Variants in RBFOX1 observed in about 807,000 individuals in gnomAD.
RBFOX1 encodes the protein RNA binding protein fox-1 homolog 1.
In RBFOX1, 8 loss-of-function variants were observed where a neutral mutation model predicts 57.7. The ratio of observed to expected loss-of-function variants is 0.14; its 90% CI spans 0.08 to 0.25. The LOEUF is 0.25. Ranked by LOEUF, RBFOX1 falls within the 10% of genes least tolerant of loss-of-function variation. The probability of loss-of-function intolerance (pLI) is 1.00; values close to 1 mark genes in which losing one functional copy is unlikely to be tolerated. For synonymous variants in RBFOX1, 326 were observed against 222.4 expected, an observed-to-expected ratio of 1.47 and a Z score of -4.15; for missense variants, 611 against 548.5, an observed-to-expected ratio of 1.11 and a Z score of -1.14.
intron 2 of RBFOX1, among the ~76,000 whole-genome samples, chr16:6,616,545 G>A (rs1312772011): frequency 1.3e-5 from 2 of 152,120 alleles, no homozygotes; most frequent in South Asian, 2.1e-4. Flanking sequence ...GCATGGTGGC[G>A]GGCGTCTGTA....
intron 3 of RBFOX1, among the ~76,000 whole-genome samples, chr16:6,832,192 T>A (rs1306372509): frequency 6.6e-6 from 1 of 152,166 alleles, no homozygotes; most frequent in Non-Finnish European, 1.5e-5. Flanking sequence ...ACACTGTATT[T>A]GTATGTGAGG....
At chr16:6,780,749 G>A (rs1353189470) in intron 3 of RBFOX1, among the ~76,000 whole-genome samples, 2 of 151,192 alleles carry the variant, frequency 1.3e-5, no homozygotes, top group East Asian at 1.9e-4. Flanking sequence ...GATTAGTGAC[G>A]TTGAGCATTT....
intron 4 of RBFOX1, among the ~76,000 whole-genome samples, chr16:7,372,773 GAGAAAGGGAGGGAGGA>G (rs2097592270): frequency 6.6e-6 from 1 of 151,970 alleles, no homozygotes; most frequent in African/African-American, 2.4e-5. Context: ...AGAAGAGAGG[GAGAAAGGGAGGGAGGA>G]AGAGAAGGAG....
intron 2 of RBFOX1, among the ~76,000 whole-genome samples, chr16:6,332,235 G>A (rs2083125531): frequency 6.6e-6 from 1 of 152,180 alleles, no homozygotes; most frequent in Non-Finnish European, 1.5e-5. Flanking sequence ...GACTTGTATG[G>A]CAACGTAGAA....
chr16:7,122,739 T>G (rs1234153161), intron 4 of RBFOX1, among the ~76,000 whole-genome samples: 1 of 152,114 alleles, frequency 6.6e-6, no homozygotes, highest in Non-Finnish European at 1.5e-5. Flanking sequence ...AAAGATATTG[T>G]ATATTTATAA....
At chr16:5,352,669 A>C (rs1439252360) in intron 1 of RBFOX1, among the ~76,000 whole-genome samples, 1 of 152,204 alleles carries the variant, frequency 6.6e-6, no homozygotes, top group African/African-American at 2.4e-5. Context: ...TTCGGTGGTC[A>C]CGGTGGCTCA....
At chr16:7,131,026 T>C (rs375065561) in intron 4 of RBFOX1, among the ~76,000 whole-genome samples, 1 of 152,112 alleles carries the variant, frequency 6.6e-6, no homozygotes, top group Admixed American at 6.5e-5. Flanking sequence ...ATTTGTGACT[T>C]TGAATTGCCT....
At chr16:5,371,999 A>G (rs1410893406) in intron 1 of RBFOX1, among the ~76,000 whole-genome samples, 1 of 152,130 alleles carries the variant, frequency 6.6e-6, no homozygotes, top group Non-Finnish European at 1.5e-5. Flanking sequence ...AGCTGTCCTC[A>G]TAAGGGGGGA....
intron 5 of RBFOX1, among the ~76,000 whole-genome samples, chr16:7,540,152 A>C (rs552373820): frequency 6.6e-6 from 1 of 152,012 alleles, no homozygotes; most frequent in East Asian, 1.9e-4. Context: ...TCAAAGGCTC[A>C]CTCTGCTACT....
intron 1 of RBFOX1, among the ~76,000 whole-genome samples, chr16:5,431,774 C>G (rs1052237822): frequency 1.3e-5 from 2 of 152,206 alleles, no homozygotes; most frequent in Non-Finnish European, 2.9e-5. Flanking sequence ...GGGTCTGTCT[C>G]TTATGCTGCA....
At chr16:7,258,677 T>A (rs2094795806) in intron 4 of RBFOX1, among the ~76,000 whole-genome samples, 1 of 152,200 alleles carries the variant, frequency 6.6e-6, no homozygotes, top group Admixed American at 6.5e-5. Context: ...GAATTTCAAA[T>A]GAACTGCAAA....
chr16:5,967,587 G>A (rs923452899), intron 4 of RBFOX1, among the ~76,000 whole-genome samples: 39 of 152,214 alleles, frequency 2.6e-4, no homozygotes, highest in African/African-American at 8.9e-4. Flanking sequence ...AATTTTAAAA[G>A]GATAAAATAC....
At chr16:5,590,603 T>C (rs993241269) in intron 2 of RBFOX1, among the ~76,000 whole-genome samples, 1 of 152,200 alleles carries the variant, frequency 6.6e-6, no homozygotes, top group Non-Finnish European at 1.5e-5. Context: ...GGTAGCGGAC[T>C]GTCTGCCAAA....
intron 1 of RBFOX1, among the ~76,000 whole-genome samples, chr16:6,119,771 A>G (rs954989833): frequency 6.6e-6 from 1 of 152,194 alleles, no homozygotes; most frequent in South Asian, 2.1e-4. Flanking sequence ...AAACACTAGG[A>G]GTAGAGGCAC....
At chr16:5,395,150 G>T (rs2066515402) in intron 1 of RBFOX1, among the ~76,000 whole-genome samples, 1 of 152,156 alleles carries the variant, frequency 6.6e-6, no homozygotes, top group African/African-American at 2.4e-5. Context: ...CAGTTTTGGG[G>T]CATGCCAGCA....
At chr16:7,064,127 T>A (rs1201755350) in intron 4 of RBFOX1, among the ~76,000 whole-genome samples, 1 of 150,514 alleles carries the variant, frequency 6.6e-6, no homozygotes, top group Non-Finnish European at 1.5e-5. Context: ...AATGAGTCCA[T>A]AAGCGTGGGC....
chr16:7,413,868 C>T (rs2098454134), intron 4 of RBFOX1, among the ~76,000 whole-genome samples: 1 of 152,056 alleles, frequency 6.6e-6, no homozygotes, highest in African/African-American at 2.4e-5. Flanking sequence ...AGACTCATCA[C>T]TTTGGCTTTT....
chr16:7,009,688 A>G (rs1231982348), intron 3 of RBFOX1, among the ~76,000 whole-genome samples: 1 of 152,192 alleles, frequency 6.6e-6, no homozygotes, highest in Admixed American at 6.5e-5. Context: ...TTATAGGGAA[A>G]AATTGAGCAG....
chr16:5,854,095 T>C (rs1254372723), intron 3 of RBFOX1, among the ~76,000 whole-genome samples: 1 of 152,236 alleles, frequency 6.6e-6, no homozygotes, highest in African/African-American at 2.4e-5. Flanking sequence ...TAACAGTATG[T>C]TTTGATATGC....
Sources: allele counts gnomAD v4.1 joint callset (sites outside exome capture counted in the v4.1 genomes callset), GRCh38; gene constraint gnomAD v4.1.1; transcripts MANE v1.5; gene names NCBI Gene and HGNC (gene_info 2026-07-23, HGNC 2026-07-21).